The following ALCAM variants were observed in gnomAD, a reference collection of about 807,000 sequenced individuals.
The protein encoded by ALCAM is activated leukocyte cell adhesion molecule, also known as CD166 antigen.
ALCAM carries 30 observed loss-of-function variants against 70.9 expected under a neutral mutation model. The ratio of observed to expected loss-of-function variants is 0.42; its 90% CI spans 0.32 to 0.57. ALCAM has a LOEUF of 0.57. Among genes scored for constraint, ALCAM ranks in the 20% least tolerant of loss-of-function variants. The probability of loss-of-function intolerance (pLI) is 0.11; values close to 1 mark genes in which losing one functional copy is unlikely to be tolerated. For synonymous variants in ALCAM, 249 were observed against 242.5 expected, an observed-to-expected ratio of 1.03 and a Z score of -0.25; for missense variants, 591 against 695.1, an observed-to-expected ratio of 0.85 and a Z score of 1.68.
intron 1 of ALCAM, among the ~76,000 whole-genome samples, chr3:105,509,398 A>T (rs372976796): frequency 6.6e-6 from 1 of 151,944 alleles, no homozygotes. Flanking sequence ...TTTCAATAAG[A>T]ACCATCTTAA....
At chr3:105,544,234 A>G (rs147902320) in intron 8 of ALCAM, among the ~76,000 whole-genome samples, 1,524 of 151,698 alleles carry the variant, frequency 0.01, 18 homozygotes, top group Middle Eastern at 0.027. Context: ...ACTCACCATT[A>G]CAAAATCTGC....
chr3:105,417,455 T>A (rs924027976), intron 1 of ALCAM, among the ~76,000 whole-genome samples: 1 of 151,284 alleles, frequency 6.6e-6, no homozygotes, highest in African/African-American at 2.4e-5. Flanking sequence ...TTATATATAT[T>A]ATATAAATAA....
chr3:105,469,972 A>G (rs1937875622), intron 1 of ALCAM, among the ~76,000 whole-genome samples: 1 of 150,602 alleles, frequency 6.6e-6, no homozygotes, highest in Non-Finnish European at 1.5e-5. Context: ...AATCATTCTT[A>G]CCTCATAGGG....
At chr3:105,442,636 G>C (rs9288805) in intron 1 of ALCAM, among the ~76,000 whole-genome samples, 104,722 of 151,428 alleles carry the variant, frequency 0.69, 36,479 homozygotes, top group East Asian at 0.92. Context: ...AAAAAATTAG[G>C]CGGGCGTGGT....
chr3:105,496,134 T>C (rs1938729304), intron 1 of ALCAM, among the ~76,000 whole-genome samples: 1 of 152,194 alleles, frequency 6.6e-6, no homozygotes, highest in African/African-American at 2.4e-5. Flanking sequence ...TTGCAGAGCA[T>C]AACAATACGC....
At chr3:105,466,350 C>G (rs1050606104) in intron 1 of ALCAM, among the ~76,000 whole-genome samples, 2 of 151,438 alleles carry the variant, frequency 1.3e-5, no homozygotes. Flanking sequence ...TTTCAGCAAT[C>G]AGGGACAAGA....
chr3:105,391,326 G>T (rs1340606114), intron 1 of ALCAM, among the ~76,000 whole-genome samples: 2 of 151,970 alleles, frequency 1.3e-5, no homozygotes, highest in Non-Finnish European at 2.9e-5. Context: ...CTTGTGTGTT[G>T]TATTCCTAGG....
chr3:105,536,146 T>G (rs1387614599), intron 6 of ALCAM, among the ~76,000 whole-genome samples: 8 of 151,110 alleles, frequency 5.3e-5, no homozygotes, highest in Non-Finnish European at 8.8e-5. Context: ...CAGGCCAGAG[T>G]GCAGTGGCGT....
In ALCAM at chr3:105,367,344, C is replaced by A. The variant is rs1318643646; in HGVS notation, c.-65C>A. ...CCGCCAGCGCGCGGGCACCGCGGGG[C>A]CCGGGACGACGCCCCCTCCTGCGGC... On this transcript the variant is annotated 5_prime_UTR_variant, in exon 1 of 16. Transcript: ENST00000306107. 1 of 1,569,528 alleles carries A rather than the reference C, an allele frequency of 6.4e-7. No homozygotes were observed. The highest frequency in any genetic ancestry group is 8.7e-7 in the Non-Finnish European group (1 of 1,146,504).
chr3:105,436,860 G>A (rs1937062089), intron 1 of ALCAM, among the ~76,000 whole-genome samples: 1 of 152,014 alleles, frequency 6.6e-6, no homozygotes, highest in Non-Finnish European at 1.5e-5. Context: ...TGACAGTCAG[G>A]GTGCTATTCC....
chr3:105,540,191 T>TA (rs775507165), intron 7 of ALCAM, 89 bp downstream of exon 7: 9 of 1,345,962 alleles, frequency 6.7e-6, no homozygotes, highest in East Asian at 4.9e-5. Context: ...AGAAAAAATG[T>TA]TATTGCTGGA....
chr3:105,490,500 A>G (rs1202748222), intron 1 of ALCAM, among the ~76,000 whole-genome samples: 2 of 151,560 alleles, frequency 1.3e-5, no homozygotes, highest in Non-Finnish European at 2.9e-5. Flanking sequence ...TTTTTTGTAT[A>G]TTTTCTGTTC....
chr3:105,482,848 C>T (rs1321659951), intron 1 of ALCAM, among the ~76,000 whole-genome samples: 1 of 152,016 alleles, frequency 6.6e-6, no homozygotes, highest in African/African-American at 2.4e-5. Flanking sequence ...CTGTGAGTCA[C>T]TAATTTTACA....
chr3:105,422,212 A>G (rs1014858262), intron 1 of ALCAM, among the ~76,000 whole-genome samples: 1 of 151,416 alleles, frequency 6.6e-6, no homozygotes, highest in Admixed American at 6.6e-5. Context: ...TAGTATATAT[A>G]TACCACATTT....
chr3:105,440,141 G>T (rs574627893), intron 1 of ALCAM, among the ~76,000 whole-genome samples: 40 of 152,160 alleles, frequency 2.6e-4, no homozygotes, highest in African/African-American at 8.4e-4. Flanking sequence ...GCTTTTGAGG[G>T]GACCAGGAAA....
intron 1 of ALCAM, among the ~76,000 whole-genome samples, chr3:105,440,282 G>A (rs888527182): frequency 2.0e-5 from 3 of 152,300 alleles, no homozygotes; most frequent in African/African-American, 4.8e-5. Flanking sequence ...TCTCCTCCTA[G>A]GAGGTGGCAC....
intron 14 of ALCAM, among the ~76,000 whole-genome samples, chr3:105,564,523 G>A (rs1225575175): frequency 2.0e-5 from 3 of 152,012 alleles, no homozygotes; most frequent in Admixed American, 6.5e-5. Context: ...GACATTACTG[G>A]GAGTGCATGT....
intron 6 of ALCAM, among the ~76,000 whole-genome samples, chr3:105,535,419 G>A (rs1046281683): frequency 1.3e-5 from 2 of 152,084 alleles, no homozygotes; most frequent in Admixed American, 1.3e-4. Flanking sequence ...TTTCTCCATT[G>A]CTGTGCTTTC....
intron 1 of ALCAM, among the ~76,000 whole-genome samples, chr3:105,388,243 T>C (rs1369937513): frequency 1.3e-5 from 2 of 151,570 alleles, no homozygotes; most frequent in Non-Finnish European, 3.0e-5. Context: ...AATACAGTTG[T>C]TGTAAAGAAG....
Sources: allele counts gnomAD v4.1 joint callset (sites outside exome capture counted in the v4.1 genomes callset), GRCh38; gene constraint gnomAD v4.1.1; transcripts MANE v1.5; gene names NCBI Gene and HGNC (gene_info 2026-07-23, HGNC 2026-07-21).